H2BN1: variants seen among roughly 807,000 people sequenced by gnomAD.
The protein encoded by H2BN1 is histone H2B.N.
the H2BN1 span, among the ~76,000 whole-genome samples, chr17:32,900,137 A>G: frequency 6.6e-6 from 1 of 152,260 alleles, no homozygotes; most frequent in South Asian, 2.1e-4. Flanking sequence ...AATTATAATT[A>G]CTGATAATGT....
At chr17:32,902,140 T>A in the H2BN1 span, among the ~76,000 whole-genome samples, 1 of 152,228 alleles carries the variant, frequency 6.6e-6, no homozygotes, top group South Asian at 2.1e-4. Flanking sequence ...TTTACTTTTA[T>A]AACTTTCTTC....
the H2BN1 span, among the ~76,000 whole-genome samples, chr17:32,905,210 T>C: frequency 6.6e-6 from 1 of 152,194 alleles, no homozygotes; most frequent in Non-Finnish European, 1.5e-5. Context: ...CTTGCCTTCC[T>C]TGTTGGGAGC....
chr17:32,897,162 C>T, the H2BN1 span, among the ~76,000 whole-genome samples: 2 of 152,240 alleles, frequency 1.3e-5, no homozygotes, highest in African/African-American at 4.8e-5. Flanking sequence ...GCTGTGGGAA[C>T]TCAGATGAAA....
the H2BN1 span, among the ~76,000 whole-genome samples, chr17:32,901,510 GTTTAT>G: frequency 6.6e-6 from 1 of 152,126 alleles, no homozygotes; most frequent in Non-Finnish European, 1.5e-5. Flanking sequence ...CAGGAATGTA[GTTTAT>G]TTTAATTGAC....
the H2BN1 span, among the ~76,000 whole-genome samples, chr17:32,895,946 A>G: frequency 6.6e-6 from 1 of 151,984 alleles, no homozygotes; most frequent in Non-Finnish European, 1.5e-5. Flanking sequence ...CACCCAGACT[A>G]TAGTGCATTG....
the H2BN1 span, chr17:32,906,445 T>C: frequency 1.3e-5 from 2 of 152,194 alleles, no homozygotes; most frequent in Admixed American, 1.3e-4. Flanking sequence ...GTTGGAAGGC[T>C]GGGTTGGAAG....
the H2BN1 span, among the ~76,000 whole-genome samples, chr17:32,896,087 T>C: frequency 1.3e-5 from 2 of 151,890 alleles, no homozygotes; most frequent in Non-Finnish European, 2.9e-5. Flanking sequence ...TTTTAGTGGG[T>C]TTTTATTTTT....
At chr17:32,905,959 G>T in the H2BN1 span, among the ~76,000 whole-genome samples, 6 of 152,178 alleles carry the variant, frequency 3.9e-5, no homozygotes, top group Non-Finnish European at 7.4e-5. Context: ...GGGTCCCAAG[G>T]TTTATTTTCC....
the H2BN1 span, among the ~76,000 whole-genome samples, chr17:32,898,940 G>T: frequency 6.6e-6 from 1 of 152,172 alleles, no homozygotes; most frequent in South Asian, 2.1e-4. Flanking sequence ...TTAGTTTTCA[G>T]TGACTCTAAA....
chr17:32,905,641 A>G, the H2BN1 span: 2 of 152,180 alleles, frequency 1.3e-5, no homozygotes, highest in Admixed American at 6.5e-5. Context: ...GTAGGGGCAC[A>G]GTGTGTTTTT....
chr17:32,901,337 T>C, the H2BN1 span, among the ~76,000 whole-genome samples: 79 of 152,296 alleles, frequency 5.2e-4, no homozygotes, highest in South Asian at 0.015. Context: ...TATGCATTGG[T>C]CTTGTATCAG....
the H2BN1 span, among the ~76,000 whole-genome samples, chr17:32,898,349 G>A: frequency 6.6e-6 from 1 of 152,276 alleles, no homozygotes; most frequent in African/African-American, 2.4e-5. Flanking sequence ...AGTGGGGAGG[G>A]GCTTCCAGGT....
the H2BN1 span, among the ~76,000 whole-genome samples, chr17:32,901,390 T>G: frequency 8.5e-5 from 13 of 152,218 alleles, no homozygotes; most frequent in Non-Finnish European, 5.9e-5. Flanking sequence ...GAAACTGAAC[T>G]TATTTTATCT....
At chr17:32,896,567 G>A in the H2BN1 span, among the ~76,000 whole-genome samples, 2 of 152,108 alleles carry the variant, frequency 1.3e-5, no homozygotes, top group South Asian at 2.1e-4. Flanking sequence ...CCCATATTCC[G>A]GTAATATCAT....
the H2BN1 span, chr17:32,906,408 T>C: frequency 6.6e-6 from 1 of 152,216 alleles, no homozygotes; most frequent in Non-Finnish European, 1.5e-5. Context: ...CTTGTTAAAA[T>C]GACTCACTTG....
chr17:32,905,426 G>A, the H2BN1 span, among the ~76,000 whole-genome samples: 1 of 152,144 alleles, frequency 6.6e-6, no homozygotes, highest in Admixed American at 6.5e-5. Context: ...AAAGGTCAGG[G>A]GCATCTCTAC....
the H2BN1 span, among the ~76,000 whole-genome samples, chr17:32,903,410 C>T: frequency 3.9e-5 from 6 of 152,046 alleles, no homozygotes; most frequent in African/African-American, 1.4e-4. Flanking sequence ...GCAAAATTTA[C>T]ATCGTAAGTT....
At chr17:32,903,782 G>T in the H2BN1 span, among the ~76,000 whole-genome samples, 11 of 152,184 alleles carry the variant, frequency 7.2e-5, no homozygotes, top group Admixed American at 5.9e-4. Flanking sequence ...GCAAGTAGAG[G>T]TGTCATAAAA....
chr17:32,904,780 A>G, the H2BN1 span, among the ~76,000 whole-genome samples: 1 of 151,768 alleles, frequency 6.6e-6, no homozygotes, highest in Non-Finnish European at 1.5e-5. Flanking sequence ...TTTTTAAGAC[A>G]GGAAGTAAAC....
Sources: gnomAD v4.1 joint callset for allele counts (sites outside exome capture counted in the v4.1 genomes callset) on GRCh38, gnomAD v4.1.1 for gene constraint, MANE v1.5 for transcripts, NCBI Gene and HGNC (gene_info 2026-07-23, HGNC 2026-07-21) for gene names.